Variants in APBB1IP observed in about 807,000 individuals in gnomAD.
The protein encoded by APBB1IP is amyloid beta A4 precursor protein-binding family B member 1-interacting protein.
APBB1IP carries 27 observed loss-of-function variants against 64.9 expected under a neutral mutation model. The observed-to-expected ratio is 0.42, with a 90% CI of 0.31 to 0.57. The LOEUF (loss-of-function observed/expected upper bound fraction) is 0.57, where lower values mean the gene tolerates loss of function less well. APBB1IP is among the 20% of genes least tolerant of loss of function. APBB1IP has a pLI of 0.20. For synonymous variants in APBB1IP, 392 were observed against 331.0 expected, an observed-to-expected ratio of 1.18 and a Z score of -2.00; for missense variants, 812 against 845.5, an observed-to-expected ratio of 0.96 and a Z score of 0.49.
chr10:26,492,872 G>T (rs910279889), intron 3 of APBB1IP, among the ~76,000 whole-genome samples: 2 of 152,144 alleles, frequency 1.3e-5, no homozygotes, highest in African/African-American at 4.8e-5. Context: ...CATCTTAACA[G>T]GGTTCAAGAG....
intron 2 of APBB1IP, among the ~76,000 whole-genome samples, chr10:26,482,068 C>T (rs1485814792): frequency 6.6e-6 from 1 of 152,136 alleles, no homozygotes; most frequent in Non-Finnish European, 1.5e-5. Flanking sequence ...TGTATATACA[C>T]ATGTCCATAT....
chr10:26,445,947 A>C (rs10764617), intron 2 of APBB1IP, among the ~76,000 whole-genome samples: 59,021 of 152,090 alleles, frequency 0.39, 11,651 homozygotes, highest in South Asian at 0.49. Flanking sequence ...GTAATAACGA[A>C]ATAGTAATAT....
chr10:26,565,530 CAT>C (rs1326680501), intron 14 of APBB1IP, among the ~76,000 whole-genome samples: 1 of 152,196 alleles, frequency 6.6e-6, no homozygotes, highest in African/African-American at 2.4e-5. Flanking sequence ...AAGTGATACT[CAT>C]GTGATCTAAA....
chr10:26,493,505 C>A (rs755016057), intron 3 of APBB1IP, among the ~76,000 whole-genome samples: 1 of 152,168 alleles, frequency 6.6e-6, no homozygotes, highest in African/African-American at 2.4e-5. Context: ...TCCATGAAAT[C>A]TTCGCAATTT....
At chr10:26,544,654 CAAG>C (rs1836738059) in intron 11 of APBB1IP, among the ~76,000 whole-genome samples, 2 of 152,176 alleles carry the variant, frequency 1.3e-5, no homozygotes, top group Non-Finnish European at 2.9e-5. Flanking sequence ...AAGAAAAAGA[CAAG>C]GTCTCTGACA....
chr10:26,535,851 G>A (rs146982377), intron 9 of APBB1IP, among the ~76,000 whole-genome samples: 1 of 152,326 alleles, frequency 6.6e-6, no homozygotes, highest in African/African-American at 2.4e-5. Context: ...GTTAAGTGGT[G>A]AAGAGGCCTT....
chr10:26,526,692 C>G (rs565212612), intron 8 of APBB1IP, among the ~76,000 whole-genome samples: 489 of 152,190 alleles, frequency 3.2e-3, no homozygotes, highest in South Asian at 7.7e-3. Flanking sequence ...GCACTCCAGC[C>G]TGGGCAACAG....
chr10:26,526,347 G>A (rs1836473108), intron 8 of APBB1IP, among the ~76,000 whole-genome samples: 1 of 152,180 alleles, frequency 6.6e-6, no homozygotes, highest in South Asian at 2.1e-4. Context: ...ATGTAAGATT[G>A]TGCCTCAAGT....
At chr10:26,449,541 T>C (rs1835441981) in intron 2 of APBB1IP, among the ~76,000 whole-genome samples, 1 of 152,214 alleles carries the variant, frequency 6.6e-6, no homozygotes. Flanking sequence ...TGTGTGTGTG[T>C]CTGTGTGAGC....
chr10:26,522,496 C>T (rs1167579699), intron 8 of APBB1IP, among the ~76,000 whole-genome samples: 1 of 151,990 alleles, frequency 6.6e-6, no homozygotes, highest in Non-Finnish European at 1.5e-5. Flanking sequence ...GTTCTCATTT[C>T]ATTTTCTCCA....
At chr10:26,564,522 T>A (rs1416127438) in intron 14 of APBB1IP, among the ~76,000 whole-genome samples, 1 of 152,096 alleles carries the variant, frequency 6.6e-6, no homozygotes, top group African/African-American at 2.4e-5. Context: ...TGGTAAACTG[T>A]CCAGACATAG....
intron 2 of APBB1IP, among the ~76,000 whole-genome samples, chr10:26,444,980 C>T (rs1291733967): frequency 1.3e-5 from 2 of 151,870 alleles, no homozygotes; most frequent in African/African-American, 2.4e-5. Context: ...CGCCTGTAGT[C>T]CCAGCTATTC....
At chr10:26,544,217 A>G (rs1836732853) in intron 11 of APBB1IP, among the ~76,000 whole-genome samples, 1 of 152,126 alleles carries the variant, frequency 6.6e-6, no homozygotes, top group Non-Finnish European at 1.5e-5. Context: ...GAATCCTAAG[A>G]CCCTGATAAA....
At chr10:26,473,861 G>T (rs938642898) in intron 2 of APBB1IP, among the ~76,000 whole-genome samples, 1 of 152,002 alleles carries the variant, frequency 6.6e-6, no homozygotes, top group Non-Finnish European at 1.5e-5. Context: ...AATTACCCAG[G>T]TTTGGGGGTG....
At chr10:26,502,055 G>T (rs533872865) in intron 5 of APBB1IP, 1 of 152,202 alleles carries the variant, frequency 6.6e-6, no homozygotes, top group Non-Finnish European at 1.5e-5. Flanking sequence ...TGCACCCGCT[G>T]AAAGTAAACA....
At chr10:26,494,980 C>A (rs1030961272) in intron 3 of APBB1IP, among the ~76,000 whole-genome samples, 1 of 151,430 alleles carries the variant, frequency 6.6e-6, no homozygotes, top group Non-Finnish European at 1.5e-5. Context: ...GTTAGGATGG[C>A]AACCATATTT....
intron 8 of APBB1IP, among the ~76,000 whole-genome samples, chr10:26,527,542 CAAAA>C (rs550297713): frequency 1.2e-4 from 11 of 91,190 alleles, no homozygotes; most frequent in Admixed American, 2.4e-4. Flanking sequence ...TACCTTGTCT[CAAAA>C]AAAAAAAAAA....
At chr10:26,550,678 C>A (rs923362356) in intron 11 of APBB1IP, among the ~76,000 whole-genome samples, 4 of 152,180 alleles carry the variant, frequency 2.6e-5, no homozygotes, top group Non-Finnish European at 5.9e-5. Flanking sequence ...TTGAAGTTTG[C>A]TGAGTTTTGT....
chr10:26,473,619 T>C (rs702998), intron 2 of APBB1IP, among the ~76,000 whole-genome samples: 8,811 of 152,262 alleles, frequency 0.058, 814 homozygotes, highest in African/African-American at 0.2. Context: ...TGAGGAAAAC[T>C]ACATCATAGG....
Sources: gnomAD v4.1 joint callset for allele counts (sites outside exome capture counted in the v4.1 genomes callset) on GRCh38, gnomAD v4.1.1 for gene constraint, MANE v1.5 for transcripts, NCBI Gene and HGNC (gene_info 2026-07-23, HGNC 2026-07-21) for gene names.